The following CSMD1 variants were observed in gnomAD, a reference collection of about 807,000 sequenced individuals.
CSMD1 encodes the protein CUB and Sushi multiple domains 1, also known as CUB and sushi domain-containing protein 1.
A neutral mutation model predicts 417.5 loss-of-function variants in CSMD1; 213 were observed. The ratio of observed to expected loss-of-function variants is 0.51; its 90% CI spans 0.46 to 0.57. CSMD1 has a LOEUF of 0.57. Among genes scored for constraint, CSMD1 ranks in the 20% least tolerant of loss-of-function variants. The pLI is 0.00. For synonymous variants in CSMD1, 2,862 were observed against 1,736.8 expected (o/e 1.65, Z -16.11); for missense variants, 6,923 against 4,529.7 (o/e 1.53, Z -15.17).
chr8:3,001,995 C>T (rs181753502), intron 52 of CSMD1, among the ~76,000 whole-genome samples: 2 of 152,270 alleles, frequency 1.3e-5, no homozygotes, highest in Admixed American at 6.5e-5. Flanking sequence ...AGGAAGGTAA[C>T]ATTGCAGAGG....
chr8:4,433,302 G>C (rs1174209885), intron 2 of CSMD1, among the ~76,000 whole-genome samples: 1 of 152,176 alleles, frequency 6.6e-6, no homozygotes, highest in East Asian at 1.9e-4. Context: ...AGAAAAACTG[G>C]CTTCCACGAA....
chr8:3,347,920 G>C, intron 22 of CSMD1, 72 bp downstream of exon 22: 1 of 1,051,806 alleles, frequency 9.5e-7, no homozygotes, highest in Admixed American at 3.0e-5. Flanking sequence ...TCTATATGTA[G>C]AAAAATAGAT....
At chr8:4,170,110 G>C (rs1385667471) in intron 3 of CSMD1, among the ~76,000 whole-genome samples, 1 of 151,776 alleles carries the variant, frequency 6.6e-6, no homozygotes, top group African/African-American at 2.4e-5. Flanking sequence ...TCCCTAACCT[G>C]TTTTCTCCCT....
At chr8:4,437,327 G>A (rs908859170) in intron 2 of CSMD1, among the ~76,000 whole-genome samples, 1 of 152,066 alleles carries the variant, frequency 6.6e-6, no homozygotes, top group Non-Finnish European at 1.5e-5. Flanking sequence ...AAATAAGCTT[G>A]TTTTAAAAAG....
intron 1 of CSMD1, among the ~76,000 whole-genome samples, chr8:4,908,382 T>C (rs1270049906): frequency 6.6e-6 from 1 of 152,216 alleles, no homozygotes; most frequent in African/African-American, 2.4e-5. Context: ...TTCTTGGTTC[T>C]GTAGTTTAGT....
At chr8:3,540,994 A>G (rs1441800408) in intron 10 of CSMD1, among the ~76,000 whole-genome samples, 1 of 152,256 alleles carries the variant, frequency 6.6e-6, no homozygotes, top group African/African-American at 2.4e-5. Flanking sequence ...ATCTAGAACC[A>G]GAAATACCAT....
At chr8:4,969,736 C>T (rs1810116989) in intron 1 of CSMD1, among the ~76,000 whole-genome samples, 1 of 152,030 alleles carries the variant, frequency 6.6e-6, no homozygotes, top group Non-Finnish European at 1.5e-5. Flanking sequence ...CACTATTGCA[C>T]TATGCTCCAC....
At chr8:4,291,902 C>T (rs1201007515) in intron 3 of CSMD1, among the ~76,000 whole-genome samples, 2 of 152,162 alleles carry the variant, frequency 1.3e-5, no homozygotes, top group African/African-American at 4.8e-5. Context: ...TTTTTCACAT[C>T]AAGCAGGAAC....
At chr8:3,917,379 T>C (rs976312665) in intron 5 of CSMD1, among the ~76,000 whole-genome samples, 3 of 151,404 alleles carry the variant, frequency 2.0e-5, no homozygotes, top group African/African-American at 7.3e-5. Context: ...ACCGCACTGC[T>C]TCCCTCTACA....
chr8:4,399,320 C>T (rs544371442), intron 3 of CSMD1, among the ~76,000 whole-genome samples: 1 of 152,210 alleles, frequency 6.6e-6, no homozygotes, highest in African/African-American at 2.4e-5. Context: ...CATGTGAAAA[C>T]AATTTAAACA....
chr8:4,188,670 C>G (rs961954721), intron 3 of CSMD1, among the ~76,000 whole-genome samples: 8 of 152,006 alleles, frequency 5.3e-5, no homozygotes, highest in African/African-American at 1.9e-4. Context: ...ATAAAACAGT[C>G]TAGTCTTTTA....
intron 18 of CSMD1, among the ~76,000 whole-genome samples, chr8:3,378,910 G>C (rs537031351): frequency 6.6e-6 from 1 of 152,284 alleles, no homozygotes; most frequent in Non-Finnish European, 1.5e-5. Context: ...ACTCAGGCAA[G>C]AGAAAGAAAG....
At position 4,335,046 on chromosome 8, in the gene CSMD1, T is replaced by C. The variant is rs117287855; in HGVS notation, c.415+84907A>G. 1.7e-3 allele frequency among the ~76,000 whole-genome samples: 255 copies of C among 152,226 alleles called. 5 individuals carry two copies. The East Asian group carries it at 0.046, about 27-fold the overall frequency. On this transcript the variant is annotated intron_variant, in intron 3 of 69. Transcript: ENST00000635120. The stretch of plus-strand genomic sequence containing the variant: ...CCTCCTTAGTAGCTGGGACCACAGA[T>C]GCACACCACCATATCTGACTAATTT...
intron 3 of CSMD1, among the ~76,000 whole-genome samples, chr8:4,373,162 G>A (rs567778926): frequency 7.9e-4 from 120 of 152,264 alleles, no homozygotes; most frequent in African/African-American, 2.8e-3. Flanking sequence ...AGCAACCCAT[G>A]ATACCCCTTG....
intron 1 of CSMD1, among the ~76,000 whole-genome samples, chr8:4,917,682 G>C (rs889462687): frequency 6.6e-6 from 1 of 152,142 alleles, no homozygotes; most frequent in Admixed American, 6.5e-5. Flanking sequence ...TAAGAGATTT[G>C]GATGGGGGCA....
intron 5 of CSMD1, among the ~76,000 whole-genome samples, chr8:3,768,115 T>C (rs1563059374): frequency 6.6e-6 from 1 of 151,982 alleles, no homozygotes; most frequent in Non-Finnish European, 1.5e-5. Flanking sequence ...GGCCAAAATG[T>C]GTGTCTTCAA....
chr8:3,113,036 A>G (rs1816623072), intron 42 of CSMD1: 1 of 152,104 alleles, frequency 6.6e-6, no homozygotes, highest in Non-Finnish European at 1.5e-5. Context: ...CGTCTCACTG[A>G]GCTCCGCAGA....
chr8:4,763,560 C>G (rs533966216), intron 1 of CSMD1, among the ~76,000 whole-genome samples: 1 of 152,224 alleles, frequency 6.6e-6, no homozygotes, highest in East Asian at 1.9e-4. Flanking sequence ...AAGAGCAGAT[C>G]TATTGTCTTA....
chr8:4,841,978 G>C (rs1370351917), intron 1 of CSMD1, among the ~76,000 whole-genome samples: 2 of 118,104 alleles, frequency 1.7e-5, no homozygotes, highest in African/African-American at 6.3e-5. Flanking sequence ...ATGCATTTTT[G>C]TCCTGCCTCT....
Sources: allele counts gnomAD v4.1 joint callset (sites outside exome capture counted in the v4.1 genomes callset), GRCh38; gene constraint gnomAD v4.1.1; transcripts MANE v1.5; gene names NCBI Gene and HGNC (gene_info 2026-07-23, HGNC 2026-07-21).